The following HMGCLL1 variants were observed in gnomAD, a reference collection of about 807,000 sequenced individuals.
The protein encoded by HMGCLL1 is 3-hydroxymethyl-3-methylglutaryl-CoA lyase, cytoplasmic.
A neutral mutation model predicts 39.1 loss-of-function variants in HMGCLL1; 36 were observed. The observed-to-expected ratio is 0.92, with a 90% CI of 0.71 to 1.22. HMGCLL1 has a LOEUF of 1.22. Among genes scored for constraint, HMGCLL1 ranks in the 50% most tolerant of loss-of-function variants. The pLI is 0.00. For synonymous variants in HMGCLL1, 149 were observed against 144.0 expected (o/e 1.03, Z -0.25); for missense variants, 451 against 416.5 (o/e 1.08, Z -0.72).
chr6:55,451,369 T>C (rs1764072514), intron 7 of HMGCLL1, among the ~76,000 whole-genome samples: 1 of 152,094 alleles, frequency 6.6e-6, no homozygotes, highest in African/African-American at 2.4e-5. Flanking sequence ...ACACCTGTAA[T>C]CCCAGCACTT....
the HMGCLL1 span, among the ~76,000 whole-genome samples, chr6:55,651,646 G>A: frequency 2.6e-5 from 4 of 151,980 alleles, no homozygotes; most frequent in Non-Finnish European, 4.4e-5. Flanking sequence ...GCCCAACCTG[G>A]GACTAGGAGC....
At chr6:55,512,467 T>C (rs1443941387) in intron 5 of HMGCLL1, 1 of 152,142 alleles carries the variant, frequency 6.6e-6, no homozygotes, top group East Asian at 1.9e-4. Context: ...CTTTATTTTA[T>C]GTCTTTGGAA....
intron 1 of HMGCLL1, among the ~76,000 whole-genome samples, chr6:55,543,921 A>T (rs554085430): frequency 6.6e-6 from 1 of 152,180 alleles, no homozygotes; most frequent in South Asian, 2.1e-4. Context: ...ACTTCCATGA[A>T]GAGGTATACA....
the HMGCLL1 span, among the ~76,000 whole-genome samples, chr6:55,617,331 A>G: frequency 1.3e-5 from 2 of 152,128 alleles, no homozygotes; most frequent in Admixed American, 1.3e-4. Context: ...GACAATATTT[A>G]TAGTCTTGGA....
the HMGCLL1 span, among the ~76,000 whole-genome samples, chr6:55,608,153 C>T: frequency 2.0e-5 from 3 of 152,170 alleles, no homozygotes; most frequent in Admixed American, 2.0e-4. Flanking sequence ...TCCCACTCTA[C>T]ACTGCTTCCT....
the HMGCLL1 span, among the ~76,000 whole-genome samples, chr6:55,591,244 C>T: frequency 6.6e-6 from 1 of 151,902 alleles, no homozygotes; most frequent in African/African-American, 2.4e-5. Context: ...TCAATCTTGT[C>T]CTAAATATGA....
the HMGCLL1 span, among the ~76,000 whole-genome samples, chr6:55,627,912 T>TATATATA: frequency 4.1e-4 from 2 of 4,896 alleles, no homozygotes; most frequent in East Asian, 2.9e-3. Context: ...ATATATACTA[T>TATATATA]ATATATATAA....
chr6:55,489,211 C>G (rs2127419110), intron 7 of HMGCLL1, among the ~76,000 whole-genome samples: 1 of 152,044 alleles, frequency 6.6e-6, no homozygotes, highest in African/African-American at 2.4e-5. Flanking sequence ...AAATAAAAAG[C>G]TTAATGTGTT....
chr6:55,626,305 G>A, the HMGCLL1 span, among the ~76,000 whole-genome samples: 2 of 152,042 alleles, frequency 1.3e-5, no homozygotes, highest in African/African-American at 2.4e-5. Context: ...CGCTGTCATG[G>A]TATTCCACAC....
At chr6:55,483,783 T>C (rs1045702546) in intron 7 of HMGCLL1, among the ~76,000 whole-genome samples, 4 of 152,214 alleles carry the variant, frequency 2.6e-5, no homozygotes, top group African/African-American at 9.6e-5. Context: ...TATGTCATTT[T>C]TTAAAAATAA....
At chr6:55,524,524 A>T (rs1189475123) in intron 3 of HMGCLL1, among the ~76,000 whole-genome samples, 3 of 150,666 alleles carry the variant, frequency 2.0e-5, no homozygotes, top group Non-Finnish European at 4.4e-5. Context: ...AGTTCCCTAC[A>T]AGTGGTTGGC....
Position 55,439,300 on chromosome 6 carries a change from C to G in HMGCLL1, c.921+134G>C. On this transcript the variant is annotated intron_variant, in intron 8 of 8. Coordinates refer to ENST00000274901, the MANE Select transcript of HMGCLL1 (RefSeq NM_001042406.2). ...CCCAAAAGAATTTTTATTGCATTTT[C>G]CCACTGTGCATTTTAGCAAATAGCA... The G allele has an allele frequency of 3.8e-6, 3 of 786,210 alleles. No homozygotes were observed. In the South Asian group the frequency reaches 6.4e-5, roughly 17 times the overall value. The allele number at this position is 786,210 out of a possible 1,614,324, so 48.7% of individuals were successfully genotyped here.
At chr6:55,475,862 G>C (rs988224036) in intron 7 of HMGCLL1, among the ~76,000 whole-genome samples, 2 of 151,448 alleles carry the variant, frequency 1.3e-5, no homozygotes, top group African/African-American at 2.4e-5. Flanking sequence ...TTTTCTCACT[G>C]AAGTGTAGTG....
At chr6:55,653,460 T>C in the HMGCLL1 span, among the ~76,000 whole-genome samples, 1 of 152,060 alleles carries the variant, frequency 6.6e-6, no homozygotes, top group African/African-American at 2.4e-5. Context: ...ACATTTTTTA[T>C]TACCAAAAGA....
chr6:55,464,454 G>A (rs1308853504), intron 7 of HMGCLL1, among the ~76,000 whole-genome samples: 3 of 151,996 alleles, frequency 2.0e-5, no homozygotes, highest in Non-Finnish European at 4.4e-5. Context: ...ACCACCTCCA[G>A]GATATTTTTA....
At chr6:55,650,738 G>A in the HMGCLL1 span, among the ~76,000 whole-genome samples, 39 of 152,088 alleles carry the variant, frequency 2.6e-4, no homozygotes, top group Middle Eastern at 3.4e-3. Flanking sequence ...TGTTAAGCTG[G>A]CACTCAAACC....
intron 3 of HMGCLL1, among the ~76,000 whole-genome samples, chr6:55,529,574 G>A (rs373023539): frequency 9.9e-5 from 15 of 152,092 alleles, no homozygotes; most frequent in East Asian, 1.9e-4. Context: ...ATATAGATCC[G>A]GAGATCTCCG....
chr6:55,619,713 C>CT, the HMGCLL1 span, among the ~76,000 whole-genome samples: 2 of 151,968 alleles, frequency 1.3e-5, no homozygotes, highest in African/African-American at 4.8e-5. Flanking sequence ...CAATTATACT[C>CT]TTTAAGTCAT....
the HMGCLL1 span, among the ~76,000 whole-genome samples, chr6:55,669,815 A>G: frequency 1.3e-5 from 2 of 151,906 alleles, no homozygotes; most frequent in Non-Finnish European, 2.9e-5. Context: ...CTTAAAAGGT[A>G]GAAGAAAGAT....
Sources: gnomAD v4.1 joint callset for allele counts (sites outside exome capture counted in the v4.1 genomes callset) on GRCh38, gnomAD v4.1.1 for gene constraint, MANE v1.5 for transcripts, NCBI Gene and HGNC (gene_info 2026-07-23, HGNC 2026-07-21) for gene names.